The following GPC6 variants were observed in gnomAD, a reference collection of about 807,000 sequenced individuals.
GPC6 encodes the protein glypican 6, also known as glypican-6.
A neutral mutation model predicts 55.2 loss-of-function variants in GPC6; 14 were observed. That is an observed-to-expected ratio of 0.25 (90% CI 0.17 to 0.40). The LOEUF (loss-of-function observed/expected upper bound fraction) is 0.40. Among genes scored for constraint, GPC6 ranks in the 10% least tolerant of loss-of-function variants. The probability of loss-of-function intolerance (pLI) is 1.00; values close to 1 mark genes in which losing one functional copy is unlikely to be tolerated. For missense variants in GPC6, 641 were observed against 708.5 expected (o/e 0.90, Z 1.08); for synonymous variants, 278 against 259.6 (o/e 1.07, Z -0.68).
At chr13:94,373,663 T>C (rs1016963055) in intron 6 of GPC6, among the ~76,000 whole-genome samples, 3 of 152,036 alleles carry the variant, frequency 2.0e-5, no homozygotes, top group African/African-American at 7.2e-5. Flanking sequence ...CAGGAGAACT[T>C]CCCCAATCTA....
chr13:93,905,769 G>A (rs2140331080), intron 3 of GPC6, among the ~76,000 whole-genome samples: 1 of 152,284 alleles, frequency 6.6e-6, no homozygotes, highest in Admixed American at 6.5e-5. Context: ...AATCCTGCTA[G>A]GAGTTCTGAA....
At chr13:93,791,754 G>C (rs1386532661) in intron 2 of GPC6, among the ~76,000 whole-genome samples, 1 of 152,156 alleles carries the variant, frequency 6.6e-6, no homozygotes, top group East Asian at 1.9e-4. Flanking sequence ...CAGAGTGTTT[G>C]GAAGACTATT....
intron 6 of GPC6, among the ~76,000 whole-genome samples, chr13:94,349,549 T>A (rs1878438222): frequency 6.6e-6 from 1 of 152,192 alleles, no homozygotes; most frequent in Non-Finnish European, 1.5e-5. Context: ...TAATCTATCC[T>A]CCACTGACTT....
At chr13:94,225,242 A>C (rs1249882432) in intron 4 of GPC6, among the ~76,000 whole-genome samples, 1 of 152,138 alleles carries the variant, frequency 6.6e-6, no homozygotes, top group Non-Finnish European at 1.5e-5. Flanking sequence ...TGAGGGCTTC[A>C]TCAACATCAT....
At chr13:94,289,773 T>C (rs1874857085) in intron 5 of GPC6, among the ~76,000 whole-genome samples, 1 of 152,254 alleles carries the variant, frequency 6.6e-6, no homozygotes, top group African/African-American at 2.4e-5. Context: ...AAGACAGATT[T>C]TAAGTTCTTA....
intron 4 of GPC6, among the ~76,000 whole-genome samples, chr13:94,263,361 CTT>C (rs1007585557): frequency 1.4e-4 from 21 of 152,192 alleles, no homozygotes; most frequent in Admixed American, 5.2e-4. Context: ...CCTCTGTTGA[CTT>C]TGACATTTCA....
intron 4 of GPC6, among the ~76,000 whole-genome samples, chr13:94,128,930 A>G (rs1329080719): frequency 6.6e-6 from 1 of 152,134 alleles, no homozygotes; most frequent in African/African-American, 2.4e-5. Context: ...CGTTACTCAA[A>G]TACAAAAACC....
At chr13:93,889,343 A>G (rs777588390) in intron 3 of GPC6, among the ~76,000 whole-genome samples, 2 of 152,152 alleles carry the variant, frequency 1.3e-5, no homozygotes, top group Non-Finnish European at 2.9e-5. Flanking sequence ...TCTGGCTTAT[A>G]ACGCATTATT....
chr13:94,004,145 A>G (rs761218881), intron 3 of GPC6, among the ~76,000 whole-genome samples: 74 of 152,146 alleles, frequency 4.9e-4, no homozygotes, highest in Non-Finnish European at 8.1e-4. Context: ...TTTTGTTGTT[A>G]GATTGAACCC....
intron 2 of GPC6, among the ~76,000 whole-genome samples, chr13:93,676,293 C>T (rs781782189): frequency 6.6e-5 from 10 of 150,418 alleles, no homozygotes; most frequent in South Asian, 2.1e-4. Flanking sequence ...GGTGCATGCC[C>T]GTAATCCCAG....
chr13:93,286,512 C>T (rs1878132246), intron 1 of GPC6, among the ~76,000 whole-genome samples: 1 of 152,136 alleles, frequency 6.6e-6, no homozygotes, highest in South Asian at 2.1e-4. Flanking sequence ...TCTAACACAT[C>T]TTGTAAAATG....
chr13:93,935,848 G>A (rs1365399730), intron 3 of GPC6, among the ~76,000 whole-genome samples: 1 of 152,180 alleles, frequency 6.6e-6, no homozygotes, highest in Admixed American at 6.5e-5. Context: ...TCAGTCACTT[G>A]TGGTGCTTGT....
intron 2 of GPC6, among the ~76,000 whole-genome samples, chr13:93,554,861 A>G (rs1490252219): frequency 6.6e-6 from 1 of 152,330 alleles, no homozygotes; most frequent in East Asian, 1.9e-4. Context: ...CACTCATCAC[A>G]GTTTCAGAAT....
At chr13:93,600,943 C>A (rs974475049) in intron 2 of GPC6, among the ~76,000 whole-genome samples, 4 of 139,686 alleles carry the variant, frequency 2.9e-5, no homozygotes, top group African/African-American at 5.6e-5. Flanking sequence ...GTGGGAAATT[C>A]CGCCTCAAAA....
intron 4 of GPC6, among the ~76,000 whole-genome samples, chr13:94,076,376 A>G (rs1462383996): frequency 2.0e-5 from 3 of 151,764 alleles, no homozygotes; most frequent in African/African-American, 7.2e-5. Flanking sequence ...CTATCTATCT[A>G]TCTTACTATC....
intron 4 of GPC6, among the ~76,000 whole-genome samples, chr13:94,198,021 C>G (rs945586769): frequency 3.9e-5 from 6 of 152,146 alleles, no homozygotes; most frequent in African/African-American, 1.4e-4. Flanking sequence ...CTATAAAATA[C>G]TAACCATTGT....
At chr13:93,473,360 T>C (rs1879193416) in intron 1 of GPC6, among the ~76,000 whole-genome samples, 1 of 152,144 alleles carries the variant, frequency 6.6e-6, no homozygotes, top group Admixed American at 6.5e-5. Flanking sequence ...GTGTCAGCAC[T>C]GCTGGAGCGT....
intron 2 of GPC6, among the ~76,000 whole-genome samples, chr13:93,707,730 C>T (rs926724396): frequency 2.0e-5 from 3 of 151,648 alleles, no homozygotes; most frequent in African/African-American, 4.8e-5. Flanking sequence ...TTTTTAGATT[C>T]GTCATTCTGC....
intron 1 of GPC6, among the ~76,000 whole-genome samples, chr13:93,523,275 TTA>T (rs1204934137): frequency 2.7e-5 from 4 of 150,492 alleles, no homozygotes; most frequent in Non-Finnish European, 4.4e-5. Context: ...TTGTGTATAT[TTA>T]TATATGTGTG....
Sources: gnomAD v4.1 joint callset for allele counts (sites outside exome capture counted in the v4.1 genomes callset) on GRCh38, gnomAD v4.1.1 for gene constraint, MANE v1.5 for transcripts, NCBI Gene and HGNC (gene_info 2026-07-23, HGNC 2026-07-21) for gene names.